PCDH15: variants seen among roughly 807,000 people sequenced by gnomAD.
PCDH15 encodes the protein protocadherin related 15.
In PCDH15, 129 loss-of-function variants were observed where a neutral mutation model predicts 178.5. The observed-to-expected ratio is 0.72, with a 90% CI of 0.63 to 0.84. The LOEUF (loss-of-function observed/expected upper bound fraction) is 0.84, where lower values mean the gene tolerates loss of function less well. Ranked by LOEUF, PCDH15 falls within the 40% of genes least tolerant of loss-of-function variation. The pLI, the probability that PCDH15 is intolerant of heterozygous loss-of-function variation, is 0.00. For missense variants in PCDH15, 2,230 were observed against 2,099.9 expected (o/e 1.06, Z -1.21); for synonymous variants, 800 against 732.0 (o/e 1.09, Z -1.50).
intron 1 of PCDH15, among the ~76,000 whole-genome samples, chr10:54,748,639 C>T (rs1418960596): frequency 2.0e-5 from 3 of 152,040 alleles, no homozygotes; most frequent in Non-Finnish European, 4.4e-5. Flanking sequence ...GTAAAGTGTG[C>T]GAAAAAAGGG....
chr10:55,203,227 T>A (rs1236442730), intron 1 of PCDH15, among the ~76,000 whole-genome samples: 1 of 152,094 alleles, frequency 6.6e-6, no homozygotes, highest in Non-Finnish European at 1.5e-5. Context: ...GCTTCTCTTT[T>A]ACACTTCTAA....
At position 53,807,012 on chromosome 10, in the gene PCDH15, C is replaced by A; in HGVS notation, c.4790G>T (p.Ser1597Ile). 6.2e-7 allele frequency: 1 copy of A among 1,613,706 alleles called. No homozygotes were observed. The highest frequency in any genetic ancestry group is 8.5e-7 in the Non-Finnish European group (1 of 1,179,792). ...AATATATATATTGCCGTTGATATTA[C>A]TGTGGATACTAGGATGGTGAAGACG... is the stretch of plus-strand genomic sequence containing the variant. ...RNRLHHPSIH[S>I]NINGNIYIAQ... Residue 1597 changes from serine (S) to isoleucine (I), a missense_variant, in exon 38 of 38, where the codon AGT (serine) becomes ATT (isoleucine). Physicochemically the swap from Ser to Ile is moderately radical, Grantham distance 142. Coordinates refer to ENST00000644397, the MANE Select transcript of PCDH15 (RefSeq NM_001384140.1).
rs556243033 is a variant in PCDH15 at position 54,023,579 on chromosome 10, T to G, written c.2221-382A>C. ...GTGACAATTTAAGATTATGTAGGTT[T>G]TTGCTCACTGTATATATTCATTTTA... On this transcript the variant is annotated intron_variant, in intron 18 of 37. Transcript: ENST00000644397. 8.1e-5 allele frequency among the ~76,000 whole-genome samples: 12 copies of G among 148,586 alleles called. 1 individual carries two copies. The South Asian group carries it at 2.5e-3, about 31-fold the overall frequency.
intron 2 of PCDH15, among the ~76,000 whole-genome samples, chr10:54,913,142 A>G (rs1318023385): frequency 2.0e-5 from 3 of 152,226 alleles, no homozygotes; most frequent in South Asian, 2.1e-4. Flanking sequence ...AGAAATTTAC[A>G]TAAGTAAAGA....
At chr10:54,525,223 A>G (rs972133652) in intron 3 of PCDH15, among the ~76,000 whole-genome samples, 6 of 152,200 alleles carry the variant, frequency 3.9e-5, no homozygotes, top group Non-Finnish European at 8.8e-5. Flanking sequence ...TTATTTAGCA[A>G]TAGACATCAG....
chr10:54,695,670 G>A (rs2095212178), intron 1 of PCDH15, among the ~76,000 whole-genome samples: 1 of 152,080 alleles, frequency 6.6e-6, no homozygotes, highest in South Asian at 2.1e-4. Flanking sequence ...ATGGATGAAT[G>A]TAGGTGGTGA....
chr10:55,499,404 T>TACACAC lies in PCDH15; in HGVS notation c.-156+128215_-156+128220dup, dbSNP rs200878607. 3.7e-3 allele frequency among the ~76,000 whole-genome samples: 511 copies of TACACAC among 136,378 alleles called. 5 individuals are homozygous for TACACAC. Among genetic ancestry groups the TACACAC allele is most frequent in the African/African-American group, 7.4e-3 (277 of 37,244 alleles). 89.5% of individuals were successfully genotyped at this position (136,378 alleles called of 152,430 possible). A position where few individuals can be genotyped will look rare whatever the true frequency, so the allele number is the denominator to read the frequency against. The stretch of plus-strand genomic sequence containing the variant: ...CTATCTTCTTTTTATAGACTCTCCC[T>TACACAC]ACACACACACACACACACACACACA... On this transcript the variant is annotated intron_variant, in intron 2 of 5. Coordinates refer to the PCDH15 transcript ENST00000613346.
At chr10:55,509,218 G>A (rs11004896) in intron 2 of PCDH15, among the ~76,000 whole-genome samples, 63,327 of 151,432 alleles carry the variant, frequency 0.42, 13,923 homozygotes, top group East Asian at 0.81. Context: ...AATGCCCTCA[G>A]AAGATTTTAG....
intron 3 of PCDH15, among the ~76,000 whole-genome samples, chr10:54,503,780 T>A (rs1053222269): frequency 1.3e-5 from 2 of 151,940 alleles, no homozygotes; most frequent in African/African-American, 4.8e-5. Context: ...CAACAAGAGG[T>A]GTTTAGATTG....
chr10:54,133,079 T>C (rs943451601), intron 14 of PCDH15, 72 bp from the exon 15 acceptor site: 2 of 1,602,950 alleles, frequency 1.2e-6, no homozygotes, highest in Non-Finnish European at 1.7e-6. Context: ...GCATTGTTTA[T>C]TCAGTTGTTG....
Position 55,568,313 on chromosome 10 carries a change from G to A in PCDH15, c.-156+59312C>T, listed in dbSNP as rs549009188. Among the ~76,000 whole-genome samples the A allele has an allele frequency of 2.0e-5, 3 of 151,986 alleles. 1 individual carries two copies. The South Asian group carries it at 6.2e-4, about 32-fold the overall frequency. On this transcript the variant is annotated intron_variant, in intron 2 of 5. Coordinates refer to the PCDH15 transcript ENST00000613346. ...AAGTAAAATAAGCCACTCACAGAGAGGCAAATACTCTATTATTCGACTTAT... is the reference window on the plus strand; with the variant it reads ...AAGTAAAATAAGCCACTCACAGAGAAGCAAATACTCTATTATTCGACTTAT...
chr10:55,202,247 G>A (rs1840273284), intron 1 of PCDH15, among the ~76,000 whole-genome samples: 1 of 152,050 alleles, frequency 6.6e-6, no homozygotes, highest in Non-Finnish European at 1.5e-5. Flanking sequence ...TGACCTCCAA[G>A]ATGGCGAGTC....
At chr10:54,244,799 T>G (rs1484764266) in intron 8 of PCDH15, among the ~76,000 whole-genome samples, 1 of 152,178 alleles carries the variant, frequency 6.6e-6, no homozygotes, top group Non-Finnish European at 1.5e-5. Flanking sequence ...CAAACGATTT[T>G]GACAAGCATG....
chr10:54,335,421 G>T (rs1385245244), intron 6 of PCDH15, among the ~76,000 whole-genome samples: 5 of 152,134 alleles, frequency 3.3e-5, no homozygotes, highest in African/African-American at 1.2e-4. Context: ...TTCTACAATT[G>T]ATATGGTTTG....
intron 1 of PCDH15, among the ~76,000 whole-genome samples, chr10:55,307,002 A>G (rs961067671): frequency 1.3e-5 from 2 of 151,928 alleles, no homozygotes; most frequent in African/African-American, 2.4e-5. Context: ...ATATATACAT[A>G]TATGTATATA....
chr10:54,274,242 G>A (rs756053072), intron 8 of PCDH15, among the ~76,000 whole-genome samples: 4 of 151,966 alleles, frequency 2.6e-5, no homozygotes, highest in South Asian at 2.1e-4. Flanking sequence ...ACCATGATAC[G>A]AGTTTACGTA....
chr10:54,520,415 A>G (rs1435688498), intron 3 of PCDH15, among the ~76,000 whole-genome samples: 1 of 152,210 alleles, frequency 6.6e-6, no homozygotes, highest in Admixed American at 6.5e-5. Flanking sequence ...ATATAAACAG[A>G]CACTTCTCAA....
At chr10:53,845,017 A>G (rs2077881495) in intron 28 of PCDH15, among the ~76,000 whole-genome samples, 1 of 151,924 alleles carries the variant, frequency 6.6e-6, no homozygotes, top group Non-Finnish European at 1.5e-5. Flanking sequence ...TAAGGAACTC[A>G]ACAGATAAAA....
intron 2 of PCDH15, among the ~76,000 whole-genome samples, chr10:54,973,454 G>A (rs1838987147): frequency 6.6e-6 from 1 of 152,194 alleles, no homozygotes. Context: ...TGTTGCAGAA[G>A]CAACACTGGT....
Sources: gnomAD v4.1 joint callset for allele counts (sites outside exome capture counted in the v4.1 genomes callset) on GRCh38, gnomAD v4.1.1 for gene constraint, MANE v1.5 for transcripts, NCBI Gene and HGNC (gene_info 2026-07-23, HGNC 2026-07-21) for gene names.